Variants in NALCN observed in about 807,000 individuals in gnomAD.
NALCN encodes the protein sodium leak channel, non-selective, also known as sodium leak channel NALCN.
In NALCN, 111 loss-of-function variants were observed where a neutral mutation model predicts 225.3. That is an observed-to-expected ratio of 0.49 (90% CI 0.42 to 0.58). The LOEUF (loss-of-function observed/expected upper bound fraction) is 0.58. Among genes scored for constraint, NALCN ranks in the 20% least tolerant of loss-of-function variants. The pLI, the probability that NALCN is intolerant of heterozygous loss-of-function variation, is 0.00. For missense variants in NALCN, 1,378 were observed against 2,202.4 expected (o/e 0.63, Z 7.49); for synonymous variants, 764 against 769.0 (o/e 0.99, Z 0.11).
Position 101,262,854 on chromosome 13 carries a change from T to C in NALCN, c.1135-4280A>G, listed in dbSNP as rs967644721. Among the ~76,000 whole-genome samples, 3 of 152,288 alleles carry C rather than the reference T, an allele frequency of 2.0e-5. No individual in the cohort carries two copies. In the East Asian group the frequency reaches 5.8e-4, roughly 29 times the overall value. ...ACTTAAACCTCTGTTTTCTCATTGA[T>C]AAAGTGGAGAAAATAGTACCTACTC... On this transcript the variant is annotated intron_variant, in intron 10 of 43. Transcript: ENST00000251127.
At chr13:101,350,068 C>T (rs2045864484) in intron 6 of NALCN, among the ~76,000 whole-genome samples, 1 of 152,148 alleles carries the variant, frequency 6.6e-6, no homozygotes, top group Non-Finnish European at 1.5e-5. Flanking sequence ...ATCTCCCTCT[C>T]TACACACACT....
chr13:101,343,288 C>G (rs970909364), intron 7 of NALCN, among the ~76,000 whole-genome samples: 12 of 152,120 alleles, frequency 7.9e-5, no homozygotes, highest in African/African-American at 2.2e-4. Flanking sequence ...ATCAACATTT[C>G]ATTATCTAAC....
intron 35 of NALCN, 60 bp from the exon 36 acceptor site, chr13:101,074,722 G>C (rs56148039): frequency 1.4e-5 from 3 of 211,324 alleles, no homozygotes; most frequent in Non-Finnish European, 2.0e-5. Flanking sequence ...GACAGAGACA[G>C]AGAGAGAGAG....
chr13:101,057,963 A>G lies in NALCN; in HGVS notation c.4999T>C (p.Phe1667Leu). 6.2e-7 allele frequency: 1 copy of G among 1,613,906 alleles called. No homozygotes were observed. The highest frequency in any genetic ancestry group is 8.5e-7 in the Non-Finnish European group (1 of 1,180,008). The change falls in exon 43 of 44, where the codon TTT becomes CTT. Residue 1667 changes from phenylalanine (F) to leucine (L), a missense_variant. Around this residue, in one of 19 missense-constraint regions of NALCN, gnomAD observed 145 missense variants for 169.6 expected, o/e 0.85. Coordinates refer to ENST00000251127, the MANE Select transcript of NALCN (RefSeq NM_052867.4). ...AADAGKPQRK[F>L]GQWRLPSAPK... ...CCTGAGGGCAGACGCCACTGCCCAAATTTCCTCTGGGGTTTCCCTGCGTCG... is the reference window on the plus strand; with the variant it reads ...CCTGAGGGCAGACGCCACTGCCCAAGTTTCCTCTGGGGTTTCCCTGCGTCG...
chr13:101,312,571 C>T (rs1342930962), intron 7 of NALCN, among the ~76,000 whole-genome samples: 3 of 151,926 alleles, frequency 2.0e-5, no homozygotes, highest in Admixed American at 6.6e-5. Flanking sequence ...TCTTTGTTCT[C>T]GTTGGTTTCA....
intron 7 of NALCN, among the ~76,000 whole-genome samples, chr13:101,323,127 A>C (rs2044812631): frequency 6.6e-6 from 1 of 152,218 alleles, no homozygotes; most frequent in South Asian, 2.1e-4. Context: ...AACATCTTAT[A>C]ATCCAATAAT....
chr13:101,132,523 A>T (rs2036566653), intron 17 of NALCN, among the ~76,000 whole-genome samples: 1 of 152,100 alleles, frequency 6.6e-6, no homozygotes, highest in Non-Finnish European at 1.5e-5. Flanking sequence ...TATAACTTCT[A>T]CATCTGTATT....
At chr13:101,087,468 G>A (rs1460610211) in intron 30 of NALCN, among the ~76,000 whole-genome samples, 4 of 136,448 alleles carry the variant, frequency 2.9e-5, no homozygotes, top group African/African-American at 1.0e-4. Flanking sequence ...GGCAGCTCAT[G>A]AGCTGCTTTC....
intron 6 of NALCN, among the ~76,000 whole-genome samples, chr13:101,346,085 CTCTATATA>C (rs1198708447): frequency 6.2e-5 from 5 of 80,382 alleles, no homozygotes; most frequent in African/African-American, 1.5e-4. Context: ...CTCTCTCTCT[CTCTATATA>C]TATATATATA....
intron 6 of NALCN, among the ~76,000 whole-genome samples, chr13:101,345,773 T>TATATATATATATATATATAG: frequency 7.7e-6 from 1 of 129,654 alleles, no homozygotes. Context: ...TATATATATT[T>TATATATATATATATATATAG]AGAGAGGGAG....
chr13:101,060,907 C>A (rs968037377), intron 41 of NALCN, among the ~76,000 whole-genome samples: 2 of 152,178 alleles, frequency 1.3e-5, no homozygotes, highest in Non-Finnish European at 2.9e-5. Flanking sequence ...CATCACTGGG[C>A]AGCTGGCCTT....
chr13:101,228,024 T>A (rs2041212180), intron 13 of NALCN, among the ~76,000 whole-genome samples: 1 of 152,154 alleles, frequency 6.6e-6, no homozygotes, highest in African/African-American at 2.4e-5. Flanking sequence ...CCAGAGCACC[T>A]GGTGTCTGCC....
At chr13:101,273,548 C>A (rs761580888) in intron 10 of NALCN, among the ~76,000 whole-genome samples, 4 of 152,124 alleles carry the variant, frequency 2.6e-5, no homozygotes, top group Non-Finnish European at 5.9e-5. Context: ...GTCTTTATAT[C>A]TAATATCTTA....
chr13:101,400,539 T>A (rs914645475), intron 1 of NALCN, among the ~76,000 whole-genome samples: 1 of 141,914 alleles, frequency 7.0e-6, no homozygotes, highest in Non-Finnish European at 1.5e-5. Flanking sequence ...CAAGAACATG[T>A]TTGCAGTGTG....
intron 6 of NALCN, among the ~76,000 whole-genome samples, chr13:101,362,637 C>G (rs374985845): frequency 3.3e-5 from 5 of 151,930 alleles, no homozygotes; most frequent in African/African-American, 1.2e-4. Flanking sequence ...AACATCATAC[C>G]AAAGGCGGAA....
intron 40 of NALCN, among the ~76,000 whole-genome samples, chr13:101,064,094 A>T (rs2032175096): frequency 6.6e-6 from 1 of 152,200 alleles, no homozygotes; most frequent in Non-Finnish European, 1.5e-5. Flanking sequence ...TCAAATGACT[A>T]CCATAACTCA....
chr13:101,214,501 AATTT>A (rs1251634082), intron 13 of NALCN, among the ~76,000 whole-genome samples: 1 of 152,050 alleles, frequency 6.6e-6, no homozygotes, highest in Non-Finnish European at 1.5e-5. Flanking sequence ...TCTTCTCAAA[AATTT>A]ATTAGTGAAC....
intron 22 of NALCN, among the ~76,000 whole-genome samples, chr13:101,106,534 G>A (rs2035110535): frequency 6.6e-6 from 1 of 152,124 alleles, no homozygotes; most frequent in East Asian, 1.9e-4. Context: ...GTTTGGCTCT[G>A]CGTCCCTACC....
intron 10 of NALCN, among the ~76,000 whole-genome samples, chr13:101,259,306 A>C (rs377259161): frequency 6.6e-6 from 1 of 151,928 alleles, no homozygotes; most frequent in Non-Finnish European, 1.5e-5. Flanking sequence ...AGATAATTAA[A>C]CATTAAAAAA....
Sources: gnomAD v4.1 joint callset for allele counts (sites outside exome capture counted in the v4.1 genomes callset) on GRCh38, gnomAD v4.1.1 for gene constraint, gnomAD v4.1.1 regional missense constraint, MANE v1.5 for transcripts, NCBI Gene and HGNC (gene_info 2026-07-23, HGNC 2026-07-21) for gene names.